USH2A: variants seen among roughly 807,000 people sequenced by gnomAD.
USH2A encodes Usher syndrome 2A (autosomal recessive, mild).
USH2A carries 443 observed loss-of-function variants against 538.9 expected under a neutral mutation model. The observed-to-expected ratio is 0.82, with a 90% CI of 0.76 to 0.89. The LOEUF is 0.89. Among genes scored for constraint, USH2A ranks in the 40% least tolerant of loss-of-function variants. The pLI is 0.00. For synonymous variants in USH2A, 2,413 were observed against 2,273.5 expected (o/e 1.06, Z -1.75); for missense variants, 6,633 against 6,324.8 (o/e 1.05, Z -1.65).
rs748763603 is a variant in USH2A, at chr1:215,674,319, G to T, written c.13592C>A (p.Ala4531Glu). 5.0e-6 allele frequency: 8 copies of T among 1,613,968 alleles called. No homozygotes were observed. The highest frequency in any genetic ancestry group is 6.8e-6 in the Non-Finnish European group (8 of 1,179,950). Reference sequence around the variant, plus strand: ...TTTTGGAGGTTCCATCCCTGAGGGTGCTGAGGGGCTGGTTCGATCTTTGAC... The same window carrying T: ...TTTTGGAGGTTCCATCCCTGAGGGTTCTGAGGGGCTGGTTCGATCTTTGAC... ...PLVKDRTSPS[A>E]PSGMEPPKLQ... The change falls in exon 63 of 72, where the codon GCA (alanine) becomes GAA (glutamate). Residue 4531 changes from alanine to glutamate, a missense_variant. Ala to Glu is a moderately radical substitution (Grantham distance 107). Coordinates refer to ENST00000307340, the MANE Select transcript of USH2A (RefSeq NM_206933.4).
At chr1:216,085,980 T>C (rs2032118443) in intron 24 of USH2A, among the ~76,000 whole-genome samples, 1 of 152,156 alleles carries the variant, frequency 6.6e-6, no homozygotes, top group Admixed American at 6.6e-5. Flanking sequence ...AATATTTATG[T>C]AGTTATATTT....
intron 21 of USH2A, among the ~76,000 whole-genome samples, chr1:216,141,578 A>T (rs1200167074): frequency 3.9e-5 from 6 of 152,198 alleles, no homozygotes; most frequent in African/African-American, 1.4e-4. Flanking sequence ...TTCCTTGGTA[A>T]CATTTTGGCA....
chr1:216,302,946 G>A (rs2102624878), intron 9 of USH2A, among the ~76,000 whole-genome samples: 1 of 152,102 alleles, frequency 6.6e-6, no homozygotes, highest in Admixed American at 6.5e-5. Flanking sequence ...TAGGCCTTGT[G>A]AATACAGAAG....
intron 49 of USH2A, among the ~76,000 whole-genome samples, chr1:215,808,494 C>T (rs1226807339): frequency 6.6e-6 from 1 of 151,986 alleles, no homozygotes; most frequent in Non-Finnish European, 1.5e-5. Flanking sequence ...GTGCACACTT[C>T]CATGAATTTT....
At chr1:215,828,780 G>A (rs956006962) in intron 47 of USH2A, among the ~76,000 whole-genome samples, 1 of 152,100 alleles carries the variant, frequency 6.6e-6, no homozygotes, top group Non-Finnish European at 1.5e-5. Context: ...TGGAAATGAT[G>A]CATTTTGGAA....
At chr1:216,346,990 T>C (rs2038187805) in intron 4 of USH2A, among the ~76,000 whole-genome samples, 1 of 152,128 alleles carries the variant, frequency 6.6e-6, no homozygotes. Context: ...CATGTGACTT[T>C]AGGAATGTTT....
rs748206722 is a variant in USH2A, at chr1:215,993,186, A to T, written c.6658-19T>A. ...TGCAAGCCTAAACAGAGATGCAAAA[A>T]TGCTCATTTCACTCTTGGTCCCAAA... On this transcript the variant is annotated intron_variant, in intron 34 of 71. Transcript: ENST00000307340. 41 of 1,613,928 alleles carry T rather than the reference A, an allele frequency of 2.5e-5. No individual in the cohort carries two copies. Among genetic ancestry groups the T allele is most frequent in the Admixed American group, 3.3e-5 (2 of 59,992 alleles).
chr1:216,312,421 A>G (rs796577917), intron 9 of USH2A, among the ~76,000 whole-genome samples: 1 of 151,748 alleles, frequency 6.6e-6, no homozygotes, highest in Admixed American at 6.6e-5. Flanking sequence ...CTTCCCCATT[A>G]TATGTATTTA....
At chr1:216,297,877 C>T (rs575902125) in intron 9 of USH2A, among the ~76,000 whole-genome samples, 1 of 152,112 alleles carries the variant, frequency 6.6e-6, no homozygotes, top group African/African-American at 2.4e-5. Flanking sequence ...TGTGTGGGGA[C>T]GATATGTTCT....
At chr1:216,170,594 A>C (rs892704074) in intron 21 of USH2A, among the ~76,000 whole-genome samples, 1 of 152,098 alleles carries the variant, frequency 6.6e-6, no homozygotes, top group Admixed American at 6.6e-5. Context: ...TGTGATTGGC[A>C]TCTGGATACT....
intron 43 of USH2A, among the ~76,000 whole-genome samples, chr1:215,868,354 T>TA (rs1489523922): frequency 5.3e-5 from 8 of 152,208 alleles, no homozygotes; most frequent in African/African-American, 1.4e-4. Context: ...AGCCCGAAGA[T>TA]ACGTTTGCAG....
intron 32 of USH2A, among the ~76,000 whole-genome samples, chr1:216,007,131 A>G (rs1408401609): frequency 6.6e-6 from 1 of 152,114 alleles, no homozygotes; most frequent in Non-Finnish European, 1.5e-5. Context: ...CTACCATGTA[A>G]GATGTGCCTT....
chr1:215,829,829 A>G (rs1663262717), intron 47 of USH2A, among the ~76,000 whole-genome samples: 1 of 152,190 alleles, frequency 6.6e-6, no homozygotes, highest in Non-Finnish European at 1.5e-5. Context: ...TTTGGTTATG[A>G]ATGATTTCTA....
chr1:215,927,699 A>C (rs1362560634), intron 38 of USH2A, among the ~76,000 whole-genome samples: 1 of 152,056 alleles, frequency 6.6e-6, no homozygotes, highest in East Asian at 1.9e-4. Flanking sequence ...GATCAATCAT[A>C]CCTGAAACCT....
intron 21 of USH2A, among the ~76,000 whole-genome samples, chr1:216,164,930 T>C (rs375985101): frequency 6.6e-6 from 1 of 152,208 alleles, no homozygotes; most frequent in East Asian, 1.9e-4. Context: ...ATGAAGAAAC[T>C]GAGTTTCACA....
chr1:215,879,229 TTTGG>T, intron 41 of USH2A, 131 bp from the exon 42 acceptor site: 1 of 763,312 alleles, frequency 1.3e-6, no homozygotes, highest in Non-Finnish European at 2.3e-6. Flanking sequence ...TCCTGAGGCC[TTTGG>T]ACTAGACAGT....
intron 41 of USH2A, among the ~76,000 whole-genome samples, chr1:215,886,178 A>G (rs1665049752): frequency 6.6e-6 from 1 of 152,216 alleles, no homozygotes; most frequent in South Asian, 2.1e-4. Context: ...ACAACCCTCT[A>G]TGATAAATAG....
intron 63 of USH2A, among the ~76,000 whole-genome samples, chr1:215,673,586 A>G (rs1657895038): frequency 6.6e-6 from 1 of 152,222 alleles, no homozygotes; most frequent in African/African-American, 2.4e-5. Context: ...AAACCATAAG[A>G]AAGTAGAGTC....
intron 58 of USH2A, among the ~76,000 whole-genome samples, chr1:215,746,405 G>C (rs926834133): frequency 1.3e-5 from 2 of 151,836 alleles, no homozygotes; most frequent in Non-Finnish European, 2.9e-5. Flanking sequence ...CATTAAGTGT[G>C]TTACTATCAT....
Sources: gnomAD v4.1 joint callset for allele counts (sites outside exome capture counted in the v4.1 genomes callset) on GRCh38, gnomAD v4.1.1 for gene constraint, MANE v1.5 for transcripts, NCBI Gene and HGNC (gene_info 2026-07-23, HGNC 2026-07-21) for gene names.